The following ROBO2 variants were observed in gnomAD, a reference collection of about 807,000 sequenced individuals.
ROBO2 encodes roundabout homolog 2.
Under a neutral mutation model 160.8 loss-of-function variants are expected in ROBO2, and 53 were observed. That is an observed-to-expected ratio of 0.33 (90% CI 0.26 to 0.41). The LOEUF (loss-of-function observed/expected upper bound fraction) is 0.41, where lower values mean the gene tolerates loss of function less well. ROBO2 is among the 10% of genes least tolerant of loss of function. The probability of loss-of-function intolerance (pLI) is 1.00; values close to 1 mark genes in which losing one functional copy is unlikely to be tolerated. For missense variants in ROBO2, 1,577 were observed against 1,722.4 expected (o/e 0.92, Z 1.49); for synonymous variants, 664 against 611.7 (o/e 1.09, Z -1.26).
intron 2 of ROBO2, among the ~76,000 whole-genome samples, chr3:75,967,227 A>T (rs1352004399): frequency 6.6e-6 from 1 of 151,676 alleles, no homozygotes; most frequent in Non-Finnish European, 1.5e-5. Flanking sequence ...AGGATGAGGC[A>T]CATGCCAGTA....
intron 5 of ROBO2, among the ~76,000 whole-genome samples, chr3:77,504,770 A>G (rs771224569): frequency 6.6e-6 from 1 of 152,172 alleles, no homozygotes; most frequent in Non-Finnish European, 1.5e-5. Context: ...GTTCTCAAGG[A>G]TTTTAGTAGG....
At position 76,394,702 on chromosome 3, in the gene ROBO2, G is replaced by T. The variant is rs569646656; in HGVS notation, c.109+457100G>T. On this transcript the variant is annotated intron_variant, in intron 2 of 26. Transcript: ENST00000487694. ...TCCTAGTCTCTGATAAAACAGACTT[G>T]AAACCACCAACGATCAAAAGAGACA... 1.7e-3 allele frequency among the ~76,000 whole-genome samples: 255 copies of T among 152,026 alleles called. 1 individual carries two copies. The highest frequency in any genetic ancestry group is 5.8e-3 in the African/African-American group (240 of 41,476).
At chr3:77,257,323 C>T (rs900683921) in intron 2 of ROBO2, among the ~76,000 whole-genome samples, 2 of 152,124 alleles carry the variant, frequency 1.3e-5, no homozygotes, top group Admixed American at 6.5e-5. Flanking sequence ...ACAAACATGG[C>T]CCAGTGAGTG....
At position 76,008,232 on chromosome 3, in the gene ROBO2, CAAAAAAAA is replaced by C. The variant is rs5850225; in HGVS notation, c.109+70645_109+70652del. 4.4e-3 allele frequency among the ~76,000 whole-genome samples: 366 copies of C among 82,266 alleles called. 2 individuals carry two copies. The highest frequency in any genetic ancestry group is 0.015 in the African/African-American group (345 of 22,274). 54.0% of individuals were successfully genotyped at this position (82,266 alleles called of 152,430 possible). A position where few individuals can be genotyped will look rare whatever the true frequency, so the allele number is the denominator to read the frequency against. ...ACTGAGTGACAGAGCAAGACTCTGT[CAAAAAAAA>C]AAAAAAAAAAAAAAGAAAAGAAAAA... On this transcript the variant is annotated intron_variant, in intron 2 of 26. Transcript: ENST00000487694.
At chr3:76,533,272 A>G (rs1577952400) in intron 2 of ROBO2, among the ~76,000 whole-genome samples, 1 of 152,232 alleles carries the variant, frequency 6.6e-6, no homozygotes, top group Non-Finnish European at 1.5e-5. Flanking sequence ...CGAATCCAAA[A>G]GGGGGTTTTG....
At chr3:76,344,934 A>G (rs1357262080) in intron 2 of ROBO2, among the ~76,000 whole-genome samples, 1 of 152,146 alleles carries the variant, frequency 6.6e-6, no homozygotes. Flanking sequence ...ATTTATCTGT[A>G]TAAGAAATTG....
At chr3:76,111,149 A>C (rs2070210620) in intron 2 of ROBO2, among the ~76,000 whole-genome samples, 3 of 152,118 alleles carry the variant, frequency 2.0e-5, no homozygotes, top group Admixed American at 1.3e-4. Context: ...CCTTATTCCA[A>C]TATGACTGGT....
intron 2 of ROBO2, among the ~76,000 whole-genome samples, chr3:76,712,088 T>C (rs1439497978): frequency 6.6e-6 from 1 of 152,210 alleles, no homozygotes; most frequent in African/African-American, 2.4e-5. Flanking sequence ...TACTTACTGA[T>C]TGGCTATAAA....
At chr3:76,222,908 C>A (rs1559658252) in intron 2 of ROBO2, among the ~76,000 whole-genome samples, 1 of 151,990 alleles carries the variant, frequency 6.6e-6, no homozygotes, top group South Asian at 2.1e-4. Context: ...GCACCTGCCA[C>A]CATGCCCAGC....
chr3:77,075,169 A>G (rs1034307947), intron 1 of ROBO2, among the ~76,000 whole-genome samples: 2 of 152,192 alleles, frequency 1.3e-5, no homozygotes, highest in Non-Finnish European at 2.9e-5. Flanking sequence ...ATTCCATATT[A>G]GCATTATAGA....
At chr3:76,662,807 C>G (rs989927496) in intron 2 of ROBO2, among the ~76,000 whole-genome samples, 4 of 152,042 alleles carry the variant, frequency 2.6e-5, no homozygotes, top group Non-Finnish European at 4.4e-5. Flanking sequence ...CTGTATTTAG[C>G]TGAATGGTGA....
chr3:76,407,723 C>T (rs1284480695), intron 2 of ROBO2, among the ~76,000 whole-genome samples: 1 of 151,876 alleles, frequency 6.6e-6, no homozygotes, highest in Admixed American at 6.6e-5. Context: ...CTTCATTATA[C>T]ATACATACAA....
chr3:76,869,627 G>A (rs1177399281), intron 2 of ROBO2, among the ~76,000 whole-genome samples: 1 of 152,070 alleles, frequency 6.6e-6, no homozygotes, highest in Non-Finnish European at 1.5e-5. Context: ...GGGATTACAG[G>A]CGTGAGCCAC....
intron 1 of ROBO2, among the ~76,000 whole-genome samples, chr3:77,058,955 A>T (rs935280729): frequency 6.6e-6 from 1 of 152,204 alleles, no homozygotes; most frequent in Non-Finnish European, 1.5e-5. Context: ...TTTACTGAGC[A>T]TCTGCAATGT....
chr3:75,925,355 G>C (rs1037955152), intron 1 of ROBO2, among the ~76,000 whole-genome samples: 1 of 152,042 alleles, frequency 6.6e-6, no homozygotes, highest in African/African-American at 2.4e-5. Flanking sequence ...ATGCCACTGC[G>C]CTCCAGTGTG....
At chr3:76,613,733 T>G (rs1055418213) in intron 2 of ROBO2, among the ~76,000 whole-genome samples, 3 of 152,054 alleles carry the variant, frequency 2.0e-5, no homozygotes, top group African/African-American at 4.8e-5. Context: ...ATCAATAAAG[T>G]TCATCTCTTT....
chr3:77,166,451 A>T (rs1476598032), intron 2 of ROBO2, among the ~76,000 whole-genome samples: 5 of 152,128 alleles, frequency 3.3e-5, no homozygotes, highest in Non-Finnish European at 5.9e-5. Context: ...GGGATTATGC[A>T]TTGCCTTTGG....
Position 77,267,484 on chromosome 3 carries a change from A to G in ROBO2, c.388+169144A>G, listed in dbSNP as rs989673897. Among the ~76,000 whole-genome samples, 4 of 152,242 alleles carry G rather than the reference A, an allele frequency of 2.6e-5. No individual in the cohort carries two copies. In the South Asian group the frequency reaches 8.3e-4, roughly 32 times the overall value. On this transcript the variant is annotated intron_variant, in intron 2 of 25. Coordinates refer to ENST00000461745, the Ensembl canonical transcript of ROBO2. ...ACCTGCACCTCTGTTACTCTCTGTG[A>G]CATGTTCCACCACCCTGGACAAGAC...
chr3:76,159,076 T>C (rs534235761), intron 2 of ROBO2, among the ~76,000 whole-genome samples: 1 of 152,264 alleles, frequency 6.6e-6, no homozygotes, highest in South Asian at 2.1e-4. Flanking sequence ...GTGGGATGTG[T>C]AGTGAATTTG....
Sources: allele counts gnomAD v4.1 joint callset (sites outside exome capture counted in the v4.1 genomes callset), GRCh38; gene constraint gnomAD v4.1.1; transcripts MANE v1.5; gene names NCBI Gene and HGNC (gene_info 2026-07-23, HGNC 2026-07-21).